The following DUOX2 variants were observed in gnomAD, a reference collection of about 807,000 sequenced individuals.
The protein encoded by DUOX2 is NADH/NADPH thyroid oxidase p138-tox.
Under a neutral mutation model 183.3 loss-of-function variants are expected in DUOX2, and 185 were observed. The ratio of observed to expected loss-of-function variants is 1.01; its 90% CI spans 0.90 to 1.14. The LOEUF (loss-of-function observed/expected upper bound fraction) is 1.14, where lower values mean the gene tolerates loss of function less well. DUOX2 is among the 50% of genes most tolerant of loss of function. DUOX2 has a pLI of 0.00. For missense variants in DUOX2, 1,999 were observed against 2,022.9 expected (o/e 0.99, Z 0.23); for synonymous variants, 788 against 812.4 (o/e 0.97, Z 0.51).
chr15:45,106,485 C>A, intron 16 of DUOX2, 43 bp downstream of exon 16: 1 of 1,606,084 alleles, frequency 6.2e-7, no homozygotes. Flanking sequence ...CTGTCTCTCC[C>A]CTCCTCCGTC....
chr15:45,102,971 C>T (rs1282860972), intron 20 of DUOX2, among the ~76,000 whole-genome samples: 1 of 152,136 alleles, frequency 6.6e-6, no homozygotes, highest in African/African-American at 2.4e-5. Context: ...GACAGAGTGA[C>T]TCCGTCTCAA....
chr15:45,108,087 G>A lies in DUOX2; in HGVS notation c.1534C>T (p.Arg512Trp), dbSNP rs750288898. The A allele has an allele frequency of 3.5e-5, 57 of 1,613,916 alleles. No homozygotes were observed. The highest frequency in any genetic ancestry group is 2.0e-4 in the Admixed American group (12 of 59,992). Residue 512 changes from arginine to tryptophan, a missense_variant, in exon 13 of 34, where the codon CGG becomes TGG. Arg to Trp is a moderately radical substitution (Grantham distance 101). This residue lies in a region of DUOX2 where 1,628 missense variants were observed against 1,608.6 expected (regional missense o/e 1.01). Transcript: ENST00000389039. ...AIVLDQFVRLRDGDRYWFENT... is the reference protein window; with the variant it reads ...AIVLDQFVRLWDGDRYWFENT... The stretch of plus-strand genomic sequence containing the variant: ...TCAAACCAGTAGCGGTCACCATCCC[G>A]CAGCCGTACAAACTGGTCGAGGACA...
At chr15:45,110,564 T>G (rs1384274509) in intron 8 of DUOX2, 40 bp from the exon 9 acceptor site, 18 of 1,613,666 alleles carry the variant, frequency 1.1e-5, no homozygotes, top group Non-Finnish European at 1.5e-5. Context: ...GACAGGCTTC[T>G]TGCCTCCACA....
chr15:45,105,557 G>A, intron 18 of DUOX2, 86 bp downstream of exon 18: 1 of 1,537,272 alleles, frequency 6.5e-7, no homozygotes, highest in Non-Finnish European at 9.0e-7. Flanking sequence ...CGGAAGCTTA[G>A]TTCACCCACA....
intron 26 of DUOX2, 52 bp from the exon 27 acceptor site, chr15:45,098,110 C>G (rs1030979502): frequency 6.5e-7 from 1 of 1,532,894 alleles, no homozygotes; most frequent in Non-Finnish European, 9.0e-7. Context: ...GGGGCTCCAG[C>G]ACTGTCACAA....
chr15:45,107,266 C>T (rs1894244131), intron 14 of DUOX2, 79 bp downstream of exon 14: 2 of 1,563,702 alleles, frequency 1.3e-6, no homozygotes, highest in Non-Finnish European at 1.8e-6. Flanking sequence ...CTGGACAGCA[C>T]CAAGTGATTC....
chr15:45,107,355 G>C lies in DUOX2; in HGVS notation c.1683C>G (p.Val561=). 1 of 1,614,240 alleles carries C rather than the reference G, an allele frequency of 6.2e-7. No homozygotes were observed. The highest frequency in any genetic ancestry group is 8.5e-7 in the Non-Finnish European group (1 of 1,180,044). ...TCCCACGGCACTCACCTTTATGCCA[G>C]ACAAAGACATTGGGCTGCAGGGCAC... ...DPSALQPNVF[V]WHKGAPCPQP... Residue 561 remains valine, a synonymous_variant, in exon 14 of 34, where the codon GTC becomes GTG. Transcript: ENST00000389039.
intron 23 of DUOX2, chr15:45,100,433 C>T: frequency 1.6e-6 from 1 of 612,718 alleles, no homozygotes; most frequent in Non-Finnish European, 2.9e-6. Flanking sequence ...TGTCTCCCTG[C>T]TACTCCCCCT....
chr15:45,113,573 C>T, intron 1 of DUOX2, 148 bp from the exon 2 acceptor site: 2 of 676,260 alleles, frequency 3.0e-6, no homozygotes, highest in South Asian at 1.7e-5. Context: ...GAAGCATCAC[C>T]GAGGACCTTC....
In DUOX2 at chr15:45,097,362, G is replaced by C. The variant is rs769882380; in HGVS notation, c.3723C>G (p.Ile1241Met). 7.4e-6 allele frequency: 12 copies of C among 1,614,146 alleles called. No individual in the cohort carries two copies. The highest frequency in any genetic ancestry group is 3.3e-5 in the South Asian group (3 of 91,092). ...AGTAGATGTGGAAAGTGGGCAGCTG[G>C]ATCAGAGCATAGCTGCCATGGATGA... Reference protein sequence around the residue: ...LLIIHGSYALIQLPTFHIYFL... With the variant: ...LLIIHGSYALMQLPTFHIYFL... Residue 1241 changes from isoleucine (I) to methionine (M), a missense_variant, in exon 29 of 34, where the codon ATC becomes ATG. Physicochemically the swap from Ile to Met is conservative, Grantham distance 10. Transcript: ENST00000389039.
At position 45,100,060 on chromosome 15, in the gene DUOX2, A is replaced by G. The variant is rs766953664; in HGVS notation, c.3174T>C (p.Asp1058=). 2 of 1,614,078 alleles carry G rather than the reference A, an allele frequency of 1.2e-6. No homozygotes were observed. Among genetic ancestry groups the G allele is most frequent in the African/African-American group, 2.7e-5 (2 of 74,930 alleles). ...FSAICVGVFA[D]RAYYYGFASP... is the part of the protein sequence containing the mutation. ...GCCTGGAACTCTTACAGTAAGCACGATCTGCAAACACGCCAACACAGATGG... is the reference window on the plus strand; with the variant it reads ...GCCTGGAACTCTTACAGTAAGCACGGTCTGCAAACACGCCAACACAGATGG... Residue 1058 remains aspartate, a synonymous_variant, in exon 24 of 34, where the codon GAT becomes GAC. Transcript: ENST00000389039.
chr15:45,096,995 A>G (rs901861749), intron 29 of DUOX2, among the ~76,000 whole-genome samples: 2 of 152,178 alleles, frequency 1.3e-5, no homozygotes, highest in African/African-American at 4.8e-5. Context: ...ATGCACGTTC[A>G]GCCACCTCTT....
chr15:45,093,691 A>G lies in DUOX2; in HGVS notation c.*459T>C, dbSNP rs1021589036. ...CCAAAGCAACGCATCGATTTTGTGG[A>G]AGTCAATTAGAGATGTGGGGAGCTA... On this transcript the variant is annotated 3_prime_UTR_variant, in exon 34 of 34. Coordinates refer to ENST00000389039, the MANE Select transcript of DUOX2 (RefSeq NM_001363711.2). 4 of 176,996 alleles carry G rather than the reference A, an allele frequency of 2.3e-5. No individual in the cohort carries two copies. The highest frequency in any genetic ancestry group is 5.6e-5 in the Admixed American group (1 of 17,980). The allele number at this position is 176,996 out of a possible 1,614,324, so 11.0% of individuals were successfully genotyped here.
At chr15:45,111,706 C>A (rs1293406679) in intron 5 of DUOX2, 62 bp downstream of exon 5, 4 of 1,470,428 alleles carry the variant, frequency 2.7e-6, no homozygotes, top group Non-Finnish European at 3.6e-6. Flanking sequence ...CCCTGCCAGG[C>A]CCGAAGCCCA....
At chr15:45,095,403 T>C (rs1566970929) in intron 31 of DUOX2, 34 bp downstream of exon 31, 1 of 1,613,904 alleles carries the variant, frequency 6.2e-7, no homozygotes, top group East Asian at 2.2e-5. Context: ...CGGCCACCTA[T>C]GCCCCATTTG....
At position 45,101,871 on chromosome 15, in the gene DUOX2, GA is replaced by G; in HGVS notation, c.2772del (p.His925ThrfsTer71). Reference protein sequence around the residue: ...QDKEELTWEDFHFMLRDHDSE... With the variant: ...QDKEELTWEDXHFMLRDHDSE... ...CTGTCATGGTCCCGCAGCATGAAGT[GA>G]AAATCCTCCCATGTCAGCTCCTCCT... On this transcript the variant is annotated frameshift_variant, in exon 21 of 34. Transcript: ENST00000389039. LOFTEE classifies it high-confidence loss of function. 1 of 1,614,210 alleles carries G rather than the reference GA, an allele frequency of 6.2e-7. No homozygotes were observed. The highest frequency in any genetic ancestry group is 8.5e-7 in the Non-Finnish European group (1 of 1,180,044).
At chr15:45,100,974 G>T in intron 22 of DUOX2, 136 bp from the exon 23 acceptor site, 1 of 693,338 alleles carries the variant, frequency 1.4e-6, no homozygotes, top group Non-Finnish European at 2.6e-6. Context: ...GAATTAATAG[G>T]ATCTCATGAT....
rs906910310 is a variant in DUOX2 at position 45,108,834 on chromosome 15, G to A, written c.1353C>T (p.Asp451=). The change falls in exon 12 of 34, where the codon GAC becomes GAT. Residue 451 remains aspartate, a synonymous_variant. Coordinates refer to ENST00000389039, the MANE Select transcript of DUOX2 (RefSeq NM_001363711.2). ...YSQALLAFGL[D]IPRNWSDLNP... The stretch of plus-strand genomic sequence containing the variant: ...TGAGATCACTCCAGTTCCTTGGGAT[G>A]TCCAGCCCAAAGGCCAGCAGGGCCT... The A allele has an allele frequency of 1.5e-5, 24 of 1,614,102 alleles. No individual in the cohort carries two copies. The highest frequency in any genetic ancestry group is 1.9e-5 in the Non-Finnish European group (22 of 1,180,050).
chr15:45,109,216 C>T, intron 11 of DUOX2: 1 of 604,062 alleles, frequency 1.7e-6, no homozygotes, highest in East Asian at 2.8e-5. Flanking sequence ...TGTCCTATGC[C>T]TCCCTAGTTT....
Sources: gnomAD v4.1 joint callset for allele counts (sites outside exome capture counted in the v4.1 genomes callset) on GRCh38, gnomAD v4.1.1 for gene constraint, gnomAD v4.1.1 regional missense constraint, MANE v1.5 for transcripts, NCBI Gene and HGNC (gene_info 2026-07-23, HGNC 2026-07-21) for gene names.